The following EIF4G3 variants were observed in gnomAD, a reference collection of about 807,000 sequenced individuals.
EIF4G3 encodes eukaryotic translation initiation factor 4 gamma 3.
Under a neutral mutation model 186.4 loss-of-function variants are expected in EIF4G3, and 34 were observed. The ratio of observed to expected loss-of-function variants is 0.18; its 90% CI spans 0.14 to 0.24. EIF4G3 has a LOEUF of 0.24. EIF4G3 is among the 10% of genes least tolerant of loss of function. The pLI is 1.00. For missense variants in EIF4G3, 1,536 were observed against 1,948.5 expected (o/e 0.79, Z 3.99); for synonymous variants, 673 against 679.5 (o/e 0.99, Z 0.15).
chr1:21,042,905 A>G (rs1248010210), intron 4 of EIF4G3, among the ~76,000 whole-genome samples: 1 of 152,250 alleles, frequency 6.6e-6, no homozygotes, highest in South Asian at 2.1e-4. Flanking sequence ...ACACATGCTA[A>G]TCTCTGCAGC....
intron 12 of EIF4G3, among the ~76,000 whole-genome samples, chr1:20,952,828 C>A (rs546146521): frequency 1.3e-5 from 2 of 151,778 alleles, no homozygotes; most frequent in Non-Finnish European, 2.9e-5. Context: ...CCAGCCTAGG[C>A]AACAAGAGCA....
chr1:21,083,469 C>T (rs959205936), intron 3 of EIF4G3, among the ~76,000 whole-genome samples: 2 of 150,178 alleles, frequency 1.3e-5, no homozygotes, highest in East Asian at 3.9e-4. Context: ...TCAGCCACCA[C>T]ACCCAGCCAC....
At chr1:20,918,000 CT>C (rs751186179) in intron 14 of EIF4G3, among the ~76,000 whole-genome samples, 1 of 152,062 alleles carries the variant, frequency 6.6e-6, no homozygotes, top group South Asian at 2.1e-4. Context: ...ATTCCAAGGG[CT>C]TTTTTTCTTC....
intron 7 of EIF4G3, among the ~76,000 whole-genome samples, chr1:20,995,662 G>A (rs576626803): frequency 3.3e-5 from 5 of 152,222 alleles, no homozygotes; most frequent in East Asian, 1.9e-4. Context: ...TTGAGCAACC[G>A]TACCTGGCCT....
At chr1:21,012,365 A>G (rs1570951123) in intron 4 of EIF4G3, among the ~76,000 whole-genome samples, 1 of 152,180 alleles carries the variant, frequency 6.6e-6, no homozygotes, top group South Asian at 2.1e-4. Flanking sequence ...TTCAAATCCC[A>G]CTGCAATAAA....
At chr1:20,915,403 A>G (rs2093749043) in intron 14 of EIF4G3, among the ~76,000 whole-genome samples, 1 of 152,156 alleles carries the variant, frequency 6.6e-6, no homozygotes, top group South Asian at 2.1e-4. Context: ...TAAACATGAC[A>G]ATCACCAGAA....
intron 4 of EIF4G3, among the ~76,000 whole-genome samples, chr1:21,030,115 C>G (rs1191062583): frequency 6.6e-6 from 1 of 152,162 alleles, no homozygotes; most frequent in Admixed American, 6.5e-5. Flanking sequence ...TTCAAGTGAT[C>G]ATCCTGCCTC....
chr1:21,142,277 A>T (rs1378841985), intron 2 of EIF4G3, among the ~76,000 whole-genome samples: 1 of 151,804 alleles, frequency 6.6e-6, no homozygotes, highest in Non-Finnish European at 1.5e-5. Flanking sequence ...CGGTGGGTGG[A>T]CTGCTTGAGC....
At chr1:20,892,574 T>C in intron 18 of EIF4G3, 1 of 1,265,812 alleles carries the variant, frequency 7.9e-7, no homozygotes, top group Non-Finnish European at 1.1e-6. Flanking sequence ...GAAAATATTA[T>C]AACACCAGAG....
At chr1:21,041,376 CA>C (rs1012065509) in intron 4 of EIF4G3, among the ~76,000 whole-genome samples, 1 of 152,206 alleles carries the variant, frequency 6.6e-6, no homozygotes, top group Non-Finnish European at 1.5e-5. Flanking sequence ...GTGTGAACCA[CA>C]ATGCCCAGCC....
intron 35 of EIF4G3, among the ~76,000 whole-genome samples, chr1:20,811,272 C>T (rs1472105106): frequency 6.6e-6 from 1 of 151,778 alleles, no homozygotes; most frequent in Non-Finnish European, 1.5e-5. Context: ...TCTTCTTCTT[C>T]TTCTATTTTA....
intron 2 of EIF4G3, among the ~76,000 whole-genome samples, chr1:21,171,692 A>G (rs2097975204): frequency 6.6e-6 from 1 of 152,216 alleles, no homozygotes; most frequent in African/African-American, 2.4e-5. Flanking sequence ...CTCAAAAGAC[A>G]ATCATAAGCA....
chr1:21,008,528 G>A (rs2085998176), intron 4 of EIF4G3, among the ~76,000 whole-genome samples: 1 of 152,022 alleles, frequency 6.6e-6, no homozygotes, highest in Admixed American at 6.6e-5. Context: ...TAGTACAGAT[G>A]GGGTTTCATC....
At chr1:21,029,563 A>G (rs2092545106) in intron 4 of EIF4G3, among the ~76,000 whole-genome samples, 1 of 152,060 alleles carries the variant, frequency 6.6e-6, no homozygotes, top group Non-Finnish European at 1.5e-5. Flanking sequence ...TGAAGCCAGG[A>G]GTTTGAGACA....
intron 14 of EIF4G3, among the ~76,000 whole-genome samples, chr1:20,905,239 T>C (rs929805292): frequency 1.3e-5 from 2 of 152,224 alleles, no homozygotes; most frequent in African/African-American, 4.8e-5. Flanking sequence ...TAATTCAACA[T>C]GTGATGAGTA....
At chr1:21,173,137 CAAAAAAAAAAAAAAAA>C (rs1193601902) in intron 2 of EIF4G3, among the ~76,000 whole-genome samples, 2 of 29,164 alleles carry the variant, frequency 6.9e-5, no homozygotes, top group South Asian at 2.3e-3. Flanking sequence ...GACTCAATCT[CAAAAAAAAAAAAAAAA>C]AAAAAAAAAA....
intron 3 of EIF4G3, among the ~76,000 whole-genome samples, chr1:21,053,577 T>C (rs76349646): frequency 0.46 from 53,124 of 114,946 alleles, 12,218 homozygotes; most frequent in Non-Finnish European, 0.49. Flanking sequence ...CCAGCCGCCC[T>C]GTCCGGGAGG....
chr1:21,153,859 C>T (rs554702092), intron 2 of EIF4G3, among the ~76,000 whole-genome samples: 9 of 152,126 alleles, frequency 5.9e-5, no homozygotes, highest in South Asian at 4.1e-4. Context: ...GCCACCGAGA[C>T]CGGCCAAGAA....
At chr1:21,113,164 A>G (rs1558021167) in intron 2 of EIF4G3, among the ~76,000 whole-genome samples, 1 of 149,426 alleles carries the variant, frequency 6.7e-6, no homozygotes, top group Non-Finnish European at 1.5e-5. Context: ...AAAAAAAAAA[A>G]AAAAAAAAAA....
Sources: allele counts gnomAD v4.1 joint callset (sites outside exome capture counted in the v4.1 genomes callset), GRCh38; gene constraint gnomAD v4.1.1; transcripts MANE v1.5; gene names NCBI Gene and HGNC (gene_info 2026-07-23, HGNC 2026-07-21).